The following VAV3 variants were observed in gnomAD, a reference collection of about 807,000 sequenced individuals.
The protein encoded by VAV3 is vav guanine nucleotide exchange factor 3.
In VAV3, 94 loss-of-function variants were observed where a neutral mutation model predicts 131.2. The ratio of observed to expected loss-of-function variants is 0.72; its 90% CI spans 0.61 to 0.85. The LOEUF (loss-of-function observed/expected upper bound fraction) is 0.85. Among genes scored for constraint, VAV3 ranks in the 40% least tolerant of loss-of-function variants. VAV3 has a pLI of 0.00. For missense variants in VAV3, 939 were observed against 1,002.7 expected (o/e 0.94, Z 0.86); for synonymous variants, 349 against 342.0 (o/e 1.02, Z -0.22).
chr1:107,857,056 T>C (rs1337556378), intron 2 of VAV3, among the ~76,000 whole-genome samples: 1 of 152,160 alleles, frequency 6.6e-6, no homozygotes, highest in East Asian at 1.9e-4. Context: ...TCAATGTGAT[T>C]GGATTGAAGG....
At chr1:107,646,254 T>C (rs907412068) in intron 19 of VAV3, among the ~76,000 whole-genome samples, 1 of 152,018 alleles carries the variant, frequency 6.6e-6, no homozygotes, top group African/African-American at 2.4e-5. Context: ...AAATACACAT[T>C]TCATTATATT....
chr1:107,858,383 C>G (rs957929196), intron 2 of VAV3, among the ~76,000 whole-genome samples: 1 of 152,060 alleles, frequency 6.6e-6, no homozygotes, highest in Non-Finnish European at 1.5e-5. Context: ...TTCTTAGAAC[C>G]AAAATCTAAG....
At chr1:107,818,909 T>TTGCCTCACTCAATTGCC (rs1667672682) in intron 2 of VAV3, among the ~76,000 whole-genome samples, 2 of 152,232 alleles carry the variant, frequency 1.3e-5, no homozygotes, top group African/African-American at 4.8e-5. Context: ...CCTGACTTTC[T>TTGCCTCACTCAATTGCC]TGAGAATCTT....
At chr1:107,918,686 C>CATAGATAT (rs796165263) in intron 1 of VAV3, among the ~76,000 whole-genome samples, 1 of 134,330 alleles carries the variant, frequency 7.4e-6, no homozygotes, top group Non-Finnish European at 1.6e-5. Flanking sequence ...ATTTTTAAGG[C>CATAGATAT]ATATATATAT....
intron 15 of VAV3, among the ~76,000 whole-genome samples, chr1:107,740,636 A>T (rs1049450098): frequency 6.6e-6 from 1 of 152,236 alleles, no homozygotes; most frequent in East Asian, 1.9e-4. Context: ...CTTCTACAAA[A>T]GGCCACAGCG....
At chr1:107,583,045 C>T (rs570684253) in intron 25 of VAV3, among the ~76,000 whole-genome samples, 80 of 152,290 alleles carry the variant, frequency 5.3e-4, no homozygotes, top group Non-Finnish European at 9.8e-4. Flanking sequence ...TAAAAGTGTT[C>T]CTATTTCTCC....
intron 20 of VAV3, among the ~76,000 whole-genome samples, chr1:107,632,374 T>C (rs144901669): frequency 4.8e-4 from 73 of 152,300 alleles, no homozygotes; most frequent in African/African-American, 1.6e-3. Flanking sequence ...TGCTCTGGTA[T>C]AGCCCCACTC....
At chr1:107,709,339 T>C (rs1660638728) in intron 15 of VAV3, among the ~76,000 whole-genome samples, 1 of 152,152 alleles carries the variant, frequency 6.6e-6, no homozygotes, top group African/African-American at 2.4e-5. Flanking sequence ...GCTTTTACTG[T>C]AGTATTTTGT....
At chr1:107,584,671 G>A (rs1650349471) in intron 25 of VAV3, among the ~76,000 whole-genome samples, 1 of 152,112 alleles carries the variant, frequency 6.6e-6, no homozygotes, top group Non-Finnish European at 1.5e-5. Flanking sequence ...ACAAATTTCT[G>A]TTAACCCAAA....
At chr1:107,954,847 G>A (rs997498601) in intron 1 of VAV3, among the ~76,000 whole-genome samples, 2 of 151,548 alleles carry the variant, frequency 1.3e-5, no homozygotes, top group African/African-American at 2.4e-5. Context: ...AATTCAGTTC[G>A]CTCTTAATGT....
At chr1:107,901,305 C>A (rs920969714) in intron 1 of VAV3, among the ~76,000 whole-genome samples, 5 of 152,082 alleles carry the variant, frequency 3.3e-5, no homozygotes, top group Non-Finnish European at 7.3e-5. Flanking sequence ...CCTGGAACAC[C>A]ACAGCAAACT....
chr1:107,607,079 C>T (rs1037279507), intron 22 of VAV3, among the ~76,000 whole-genome samples: 7 of 151,466 alleles, frequency 4.6e-5, no homozygotes, highest in Admixed American at 1.3e-4. Context: ...CTCAGCCTCC[C>T]GAGTAGCTAG....
At chr1:107,597,895 T>G (rs987585940) in intron 24 of VAV3, among the ~76,000 whole-genome samples, 7 of 152,216 alleles carry the variant, frequency 4.6e-5, no homozygotes, top group Admixed American at 6.5e-5. Flanking sequence ...TGGCTCCTTA[T>G]AACTTTCACT....
intron 19 of VAV3, among the ~76,000 whole-genome samples, chr1:107,648,212 A>G (rs1324856921): frequency 6.6e-6 from 1 of 152,106 alleles, no homozygotes; most frequent in Non-Finnish European, 1.5e-5. Context: ...GTCACAGCTC[A>G]TATAAAAACA....
chr1:107,949,315 T>C (rs1417911563), intron 1 of VAV3, among the ~76,000 whole-genome samples: 1 of 152,048 alleles, frequency 6.6e-6, no homozygotes, highest in East Asian at 1.9e-4. Flanking sequence ...TATTTTTGTT[T>C]GTTTGTTTGT....
intron 21 of VAV3, among the ~76,000 whole-genome samples, chr1:107,616,125 G>A (rs1261834895): frequency 6.6e-6 from 1 of 151,992 alleles, no homozygotes; most frequent in African/African-American, 2.4e-5. Context: ...AATATAAATT[G>A]TTCTACAAAT....
intron 22 of VAV3, chr1:107,609,652 T>C (rs777303056): frequency 1.9e-5 from 6 of 321,666 alleles, no homozygotes; most frequent in Non-Finnish European, 3.4e-5. Flanking sequence ...AAATATAAGA[T>C]ACATATGCGT....
chr1:107,917,431 T>A (rs150425650), intron 1 of VAV3, among the ~76,000 whole-genome samples: 1 of 152,308 alleles, frequency 6.6e-6, no homozygotes, highest in African/African-American at 2.4e-5. Flanking sequence ...GTTAGGTAAC[T>A]GCCAGAATTC....
chr1:107,794,573 G>A (rs1037852638), intron 2 of VAV3, among the ~76,000 whole-genome samples: 1 of 152,160 alleles, frequency 6.6e-6, no homozygotes, highest in Non-Finnish European at 1.5e-5. Context: ...GTCTTAAGGA[G>A]CAACTGTAGT....
Sources: allele counts gnomAD v4.1 joint callset (sites outside exome capture counted in the v4.1 genomes callset), GRCh38; gene constraint gnomAD v4.1.1; transcripts MANE v1.5; gene names NCBI Gene and HGNC (gene_info 2026-07-23, HGNC 2026-07-21).